The following DCC variants were observed in gnomAD, a reference collection of about 807,000 sequenced individuals.
DCC encodes DCC netrin 1 receptor, also known as netrin receptor DCC.
DCC carries 58 observed loss-of-function variants against 172.5 expected under a neutral mutation model. That is an observed-to-expected ratio of 0.34 (90% CI 0.27 to 0.42). The LOEUF is 0.42. Ranked by LOEUF, DCC falls within the 10% of genes least tolerant of loss-of-function variation. The probability of loss-of-function intolerance (pLI) is 1.00; values close to 1 mark genes in which losing one functional copy is unlikely to be tolerated. For synonymous variants in DCC, 709 were observed against 644.5 expected (o/e 1.10, Z -1.52); for missense variants, 1,740 against 1,791.0 (o/e 0.97, Z 0.51).
At chr18:53,507,169 A>C (rs992636922) in intron 27 of DCC, among the ~76,000 whole-genome samples, 5 of 151,512 alleles carry the variant, frequency 3.3e-5, no homozygotes, top group Admixed American at 3.3e-4. Context: ...TAAGTATTCT[A>C]AGTAGTTGAC....
intron 2 of DCC, among the ~76,000 whole-genome samples, chr18:52,859,885 A>C (rs1049874420): frequency 6.6e-6 from 1 of 152,204 alleles, no homozygotes; most frequent in Non-Finnish European, 1.5e-5. Context: ...TTTGGGTTAG[A>C]GGTTCTTAGA....
At chr18:53,471,116 G>A (rs888172714) in intron 25 of DCC, among the ~76,000 whole-genome samples, 1 of 152,056 alleles carries the variant, frequency 6.6e-6, no homozygotes, top group East Asian at 1.9e-4. Context: ...ACAGCAATAA[G>A]CTTGTAACTA....
intron 7 of DCC, among the ~76,000 whole-genome samples, chr18:53,097,844 C>T (rs994411645): frequency 6.6e-6 from 1 of 152,050 alleles, no homozygotes; most frequent in African/African-American, 2.4e-5. Context: ...ATGTCTCTTC[C>T]TCATGTTATA....
chr18:53,319,652 G>A (rs1228570034), intron 13 of DCC, among the ~76,000 whole-genome samples: 2 of 152,216 alleles, frequency 1.3e-5, no homozygotes, highest in South Asian at 4.1e-4. Context: ...GGTTTAAGTG[G>A]TTATGATGGC....
chr18:53,270,563 A>G (rs1330030430), intron 12 of DCC, among the ~76,000 whole-genome samples: 1 of 152,124 alleles, frequency 6.6e-6, no homozygotes, highest in African/African-American at 2.4e-5. Flanking sequence ...GGATTCATAT[A>G]CTGGGAGGTT....
chr18:52,767,433 C>T (rs1341292777), intron 2 of DCC, among the ~76,000 whole-genome samples: 1 of 152,150 alleles, frequency 6.6e-6, no homozygotes, highest in Admixed American at 6.6e-5. Flanking sequence ...CAGCCTTTAA[C>T]ATATCACAAA....
At chr18:53,092,888 A>G (rs891050336) in intron 7 of DCC, among the ~76,000 whole-genome samples, 1 of 151,748 alleles carries the variant, frequency 6.6e-6, no homozygotes, top group Non-Finnish European at 1.5e-5. Flanking sequence ...CACACACACA[A>G]TCTAGGCAAT....
At chr18:53,205,892 T>C (rs569938328) in intron 10 of DCC, among the ~76,000 whole-genome samples, 2 of 151,916 alleles carry the variant, frequency 1.3e-5, no homozygotes, top group Non-Finnish European at 2.9e-5. Flanking sequence ...ATGGTTAGCA[T>C]AGACACCTGA....
At chr18:53,132,684 A>G (rs115905094) in intron 7 of DCC, among the ~76,000 whole-genome samples, 3,316 of 152,258 alleles carry the variant, frequency 0.022, 123 homozygotes, top group African/African-American at 0.075. Flanking sequence ...GAGTGGTGTC[A>G]GGACCTGAAA....
intron 7 of DCC, among the ~76,000 whole-genome samples, chr18:53,093,787 C>G (rs1292072760): frequency 6.6e-6 from 1 of 152,086 alleles, no homozygotes; most frequent in Admixed American, 6.6e-5. Flanking sequence ...GCCTGAGCAG[C>G]GCAGACACTA....
chr18:53,498,385 T>TC (rs1381529724), intron 26 of DCC, among the ~76,000 whole-genome samples: 38 of 152,206 alleles, frequency 2.5e-4, no homozygotes, highest in African/African-American at 9.2e-4. Flanking sequence ...AAGAAATAAG[T>TC]CATCAGAAAA....
Position 53,499,367 on chromosome 18 carries a change from G to A in DCC, c.3968G>A (p.Ser1323Asn). ...CCATCTCAGCCTGAGCATTCTAGCA[G>A]CGAGGAGGCACCAAGCAGAACCATC... ...LPPSQPEHSS[S>N]EEAPSRTIPT... The change falls in exon 27 of 29, where the codon AGC (serine) becomes AAC (asparagine). Residue 1323 changes from serine (S) to asparagine (N), a missense_variant. This residue lies in a region of DCC where 1,732 missense variants were observed against 1,767.4 expected (regional missense o/e 0.98). Coordinates refer to ENST00000442544, the MANE Select transcript of DCC (RefSeq NM_005215.4). 1 of 1,614,090 alleles carries A rather than the reference G, an allele frequency of 6.2e-7. No individual in the cohort carries two copies. Among genetic ancestry groups the A allele is most frequent in the East Asian group, 2.2e-5 (1 of 44,864 alleles).
chr18:53,500,648 C>T (rs111886136), intron 27 of DCC, among the ~76,000 whole-genome samples: 10 of 151,646 alleles, frequency 6.6e-5, no homozygotes, highest in African/African-American at 2.2e-4. Flanking sequence ...CTGATGTTCT[C>T]AACATTCACA....
chr18:52,798,695 G>C (rs756485017), intron 2 of DCC, among the ~76,000 whole-genome samples: 2 of 152,098 alleles, frequency 1.3e-5, no homozygotes, highest in African/African-American at 4.8e-5. Context: ...AGGCAAAGGA[G>C]AATGCAGTGA....
intron 2 of DCC, among the ~76,000 whole-genome samples, chr18:52,763,849 A>G (rs911452684): frequency 6.6e-6 from 1 of 152,164 alleles, no homozygotes; most frequent in African/African-American, 2.4e-5. Flanking sequence ...TTTTTCACTT[A>G]ATGATATATC....
intron 12 of DCC, among the ~76,000 whole-genome samples, chr18:53,290,223 A>C (rs2056985665): frequency 6.6e-6 from 1 of 152,304 alleles, no homozygotes; most frequent in Admixed American, 6.5e-5. Context: ...CATCCCTGGT[A>C]GGAATATTTG....
chr18:52,641,616 G>C (rs1393825638), intron 1 of DCC, among the ~76,000 whole-genome samples: 1 of 151,922 alleles, frequency 6.6e-6, no homozygotes, highest in Non-Finnish European at 1.5e-5. Flanking sequence ...TGAAAAAAAG[G>C]CTCACTGTCA....
At chr18:53,076,218 C>T (rs563812771) in intron 7 of DCC, among the ~76,000 whole-genome samples, 12 of 152,220 alleles carry the variant, frequency 7.9e-5, no homozygotes, top group African/African-American at 2.2e-4. Context: ...AAGCATTCCT[C>T]CTTTGTGAAT....
intron 1 of DCC, among the ~76,000 whole-genome samples, chr18:52,376,781 A>G (rs1985366581): frequency 6.6e-6 from 1 of 152,202 alleles, no homozygotes; most frequent in Non-Finnish European, 1.5e-5. Context: ...ACATGCTTTG[A>G]ATAGATAGAT....
Sources: gnomAD v4.1 joint callset for allele counts (sites outside exome capture counted in the v4.1 genomes callset) on GRCh38, gnomAD v4.1.1 for gene constraint, gnomAD v4.1.1 regional missense constraint, MANE v1.5 for transcripts, NCBI Gene and HGNC (gene_info 2026-07-23, HGNC 2026-07-21) for gene names.